FAT2: variants seen among roughly 807,000 people sequenced by gnomAD.
FAT2 encodes the protein protocadherin Fat 2.
Under a neutral mutation model 295.3 loss-of-function variants are expected in FAT2, and 150 were observed. The ratio of observed to expected loss-of-function variants is 0.51; its 90% CI spans 0.44 to 0.58. The LOEUF (loss-of-function observed/expected upper bound fraction) is 0.58, where lower values mean the gene tolerates loss of function less well. FAT2 is among the 20% of genes least tolerant of loss of function. The pLI is 0.00. For missense variants in FAT2, 4,868 were observed against 5,442.7 expected, an observed-to-expected ratio of 0.89 and a Z score of 3.32; for synonymous variants, 2,026 against 2,150.3, an observed-to-expected ratio of 0.94 and a Z score of 1.60.
chr5:151,532,465 G>GTA (rs1249763548), intron 13 of FAT2, among the ~76,000 whole-genome samples: 1 of 152,084 alleles, frequency 6.6e-6, no homozygotes, highest in African/African-American at 2.4e-5. Context: ...TAGCAAGGCT[G>GTA]TAGTCTAGTT....
chr5:151,506,073 C>A lies in FAT2; in HGVS notation c.12542G>T (p.Trp4181Leu). The change falls in exon 24 of 24, where the codon TGG becomes TTG. Residue 4181 changes from tryptophan to leucine, a missense_variant. Physicochemically the swap from Trp to Leu is moderately conservative, Grantham distance 61. Around this residue, in one of 5 missense-constraint regions of FAT2, gnomAD observed 492 missense variants for 482.6 expected, o/e 1.02. Transcript: ENST00000261800. ...TTCGTTCCTGGAGTAAGTAGGGGGC[C>A]AGACCATGGCTCCGCCAGGGTACAC... ...EMVYPGGAMV[W>L]PPTYSRNERW... 1.3e-6 allele frequency: 2 copies of A among 1,529,290 alleles called. No homozygotes were observed. The highest frequency in any genetic ancestry group is 1.3e-5 in the South Asian group (1 of 77,334). 94.7% of individuals were successfully genotyped at this position (1,529,290 alleles called of 1,614,324 possible). A position where few individuals can be genotyped will look rare whatever the true frequency, so the allele number is the denominator to read the frequency against.
At chr5:151,565,648 C>CGGG in intron 2 of FAT2, 25 bp downstream of exon 2, 4 of 1,359,306 alleles carry the variant, frequency 2.9e-6, no homozygotes, top group Non-Finnish European at 4.0e-6. Context: ...GGCCCTGGCA[C>CGGG]CCCACCCTAC....
chr5:151,568,105 A>G lies in FAT2; in HGVS notation c.827T>C (p.Leu276Pro), dbSNP rs1362888961. 7.4e-6 allele frequency: 12 copies of G among 1,614,104 alleles called. No homozygotes were observed. Among genetic ancestry groups the G allele is most frequent in the Non-Finnish European group, 9.3e-6 (11 of 1,180,046 alleles). Residue 276 changes from leucine to proline, a missense_variant, in exon 2 of 24, where the codon CTG (leucine) becomes CCG (proline). Transcript: ENST00000261800. ...SNDGTTYATV[L>P]VDANSSGAEV... is the part of the protein sequence containing the mutation. ...AGCTCCTGAGCTATTTGCATCGACCAGTACAGTGGCATAGGTGGTACCATC... is the reference window on the plus strand; with the variant it reads ...AGCTCCTGAGCTATTTGCATCGACCGGTACAGTGGCATAGGTGGTACCATC...
chr5:151,533,803 T>C (rs1754943339), intron 13 of FAT2, among the ~76,000 whole-genome samples: 1 of 152,044 alleles, frequency 6.6e-6, no homozygotes, highest in South Asian at 2.1e-4. Flanking sequence ...TATGTATACA[T>C]GCAGGTATGT....
At chr5:151,527,582 A>T (rs1362772960) in intron 16 of FAT2, among the ~76,000 whole-genome samples, 4 of 152,126 alleles carry the variant, frequency 2.6e-5, no homozygotes, top group Admixed American at 2.6e-4. Flanking sequence ...ATTTGCTGGC[A>T]ATGAGACCTT....
At chr5:151,575,033 C>T (rs1758693959) in intron 1 of FAT2, among the ~76,000 whole-genome samples, 1 of 152,180 alleles carries the variant, frequency 6.6e-6, no homozygotes, top group Non-Finnish European at 1.5e-5. Context: ...AGGAAAGATG[C>T]AGAGTAACAC....
intron 19 of FAT2, among the ~76,000 whole-genome samples, 155 bp from the exon 20 acceptor site, chr5:151,517,920 CTT>C (rs1753029583): frequency 6.6e-6 from 1 of 152,120 alleles, no homozygotes; most frequent in Non-Finnish European, 1.5e-5. Flanking sequence ...TGTGCCATAC[CTT>C]TCTAGCCTCA....
intron 12 of FAT2, 54 bp from the exon 13 acceptor site, chr5:151,534,696 C>A (rs1165230967): frequency 1.1e-5 from 16 of 1,476,918 alleles, no homozygotes; most frequent in African/African-American, 2.8e-5. Context: ...ATTACCCAAG[C>A]ATGTGCCCTC....
Position 151,529,220 on chromosome 5 carries a change from T to C in FAT2, c.9984A>G (p.Thr3328=), listed in dbSNP as rs1377437368. ...RPQFPQDPYS[T]RVLENALVGD... ...CCACAAGGGCATTCTCTAAGACCCT[T>C]GTGCTATATGGATCTTGGGGGAATT... Residue 3328 remains threonine (T), a synonymous_variant, in exon 15 of 24, where the codon ACA becomes ACG. Transcript: ENST00000261800. The C allele has an allele frequency of 6.2e-7, 1 of 1,613,974 alleles. No individual in the cohort carries two copies. The highest frequency in any genetic ancestry group is 1.3e-5 in the African/African-American group (1 of 74,892).
chr5:151,531,620 C>T lies in FAT2; in HGVS notation c.9778G>A (p.Glu3260Lys), dbSNP rs758791616. The T allele has an allele frequency of 2.3e-5, 37 of 1,613,026 alleles. No individual in the cohort carries two copies. The highest frequency in any genetic ancestry group is 2.2e-5 in the East Asian group (1 of 44,890). ...GCATCCAGGCGGAACCTGCCTTGCTCGTTCCCGCTGACCACGCGGTAGCCG... is the reference window on the plus strand; with the variant it reads ...GCATCCAGGCGGAACCTGCCTTGCTTGTTCCCGCTGACCACGCGGTAGCCG... ...KTGYRVVSGN[E>K]QGRFRLDART... Residue 3260 changes from glutamate to lysine, a missense_variant, in exon 14 of 24, where the codon GAG (glutamate) becomes AAG (lysine). Around this residue, in one of 5 missense-constraint regions of FAT2, gnomAD observed 1,046 missense variants for 1,210.1 expected, o/e 0.86. Transcript: ENST00000261800. This position sits in a 1 kb window ranked among gnomAD's most constrained non-coding sequence, Gnocchi z 5.7.
chr5:151,584,196 G>A (rs1212067549), intron 1 of FAT2, among the ~76,000 whole-genome samples: 2 of 151,934 alleles, frequency 1.3e-5, no homozygotes, highest in East Asian at 1.9e-4. Context: ...CAGAAACCAA[G>A]AAGCTCAGGA....
rs1296583490 is a variant in FAT2, at chr5:151,568,187, C to T, written c.745G>A (p.Ala249Thr). The T allele has an allele frequency of 3.1e-6, 5 of 1,613,950 alleles. No individual in the cohort carries two copies. The highest frequency in any genetic ancestry group is 2.2e-5 in the South Asian group (2 of 91,032). The stretch of plus-strand genomic sequence containing the variant: ...GCAATGGCTGGGGGCTTCCTGAGGG[C>T]AGGCTCCACATGAACCACAAGTGCA... ...LAALVVHVEP[A>T]LRKPPAIASV... The change falls in exon 2 of 24, where the codon GCC (alanine) becomes ACC (threonine). Residue 249 changes from alanine to threonine, a missense_variant. Ala to Thr is a moderately conservative substitution (Grantham distance 58, BLOSUM62 0). Coordinates refer to ENST00000261800, the MANE Select transcript of FAT2 (RefSeq NM_001447.3).
chr5:151,532,893 CT>C (rs2127592978), intron 13 of FAT2, among the ~76,000 whole-genome samples: 1 of 152,316 alleles, frequency 6.6e-6, no homozygotes, highest in South Asian at 2.1e-4. Context: ...GGAGTAGCCT[CT>C]GAGAAGAGTT....
intron 20 of FAT2, 106 bp downstream of exon 20, chr5:151,517,514 G>A: frequency 4.4e-6 from 6 of 1,376,124 alleles, no homozygotes; most frequent in Non-Finnish European, 6.1e-6. Flanking sequence ...AACTGTGCAG[G>A]GATTTCTTTG....
intron 12 of FAT2, 64 bp from the exon 13 acceptor site, chr5:151,534,706 C>T: frequency 7.1e-7 from 1 of 1,409,876 alleles, no homozygotes; most frequent in Non-Finnish European, 9.9e-7. Context: ...CATGTGCCCT[C>T]TATATATCTA....
At chr5:151,581,567 T>C (rs2127660337) in intron 1 of FAT2, among the ~76,000 whole-genome samples, 1 of 152,248 alleles carries the variant, frequency 6.6e-6, no homozygotes, top group East Asian at 1.9e-4. Flanking sequence ...TATTGAACAT[T>C]TATTGGGTGC....
At position 151,568,738 on chromosome 5, in the gene FAT2, G is replaced by A. The variant is rs779251901; in HGVS notation, c.194C>T (p.Pro65Leu). The change falls in exon 2 of 24, where the codon CCA becomes CTA. Residue 65 changes from proline (P) to leucine (L), a missense_variant. This residue lies in a region of FAT2 where 3,297 missense variants were observed against 3,669.4 expected (regional missense o/e 0.90). Transcript: ENST00000261800. ...FEKMGIYLAE[P>L]QWAVRYRIIS... Reference sequence around the variant, plus strand: ...GATCCGGTACCTCACTGCCCACTGTGGCTCCGCGAGGTAGATGCCCATTTT... The same window carrying A: ...GATCCGGTACCTCACTGCCCACTGTAGCTCCGCGAGGTAGATGCCCATTTT... The A allele has an allele frequency of 1.2e-6, 2 of 1,614,026 alleles. No individual in the cohort carries two copies. Among genetic ancestry groups the A allele is most frequent in the Admixed American group, 1.7e-5 (1 of 59,998 alleles).
chr5:151,508,064 A>T (rs1240083502), intron 22 of FAT2, among the ~76,000 whole-genome samples: 2 of 152,206 alleles, frequency 1.3e-5, no homozygotes, highest in Admixed American at 6.5e-5. Context: ...TGCACAGATC[A>T]GCCACCTTAC....
chr5:151,542,454 C>T lies in FAT2; in HGVS notation c.8673G>A (p.Leu2891=), dbSNP rs2127605393. The T allele has an allele frequency of 6.2e-7, 1 of 1,614,168 alleles. No individual in the cohort carries two copies. The highest frequency in any genetic ancestry group is 8.5e-7 in the Non-Finnish European group (1 of 1,180,032). ...TCTCATCTGTAATGGAGACCTGAAC[C>T]AGGGCCTGAGAGGATAGCTGGATGG... ...GQTIQLSSQA[L]VQVSITDEND... is the part of the protein sequence containing the mutation. The change falls in exon 10 of 24, where the codon CTG becomes CTA. Residue 2891 remains leucine, a synonymous_variant. Coordinates refer to ENST00000261800, the MANE Select transcript of FAT2 (RefSeq NM_001447.3).
Sources: allele counts gnomAD v4.1 joint callset (sites outside exome capture counted in the v4.1 genomes callset), GRCh38; gene constraint gnomAD v4.1.1; regional missense constraint gnomAD v4.1.1; non-coding constraint Gnocchi (gnomAD v3.1); transcripts MANE v1.5; gene names NCBI Gene and HGNC (gene_info 2026-07-23, HGNC 2026-07-21).